The following TAP2 variants were observed in gnomAD, a reference collection of about 807,000 sequenced individuals.
TAP2 encodes antigen peptide transporter 2.
TAP2 carries 49 observed loss-of-function variants against 74.7 expected under a neutral mutation model. The observed-to-expected ratio is 0.66, with a 90% CI of 0.52 to 0.83. The LOEUF (loss-of-function observed/expected upper bound fraction) is 0.83. Ranked by LOEUF, TAP2 falls within the 40% of genes least tolerant of loss-of-function variation. The pLI, the probability that TAP2 is intolerant of heterozygous loss-of-function variation, is 0.00. For synonymous variants in TAP2, 306 were observed against 368.4 expected, an observed-to-expected ratio of 0.83 and a Z score of 1.94; for missense variants, 739 against 859.0, an observed-to-expected ratio of 0.86 and a Z score of 1.75.
rs1768593202 is a variant in TAP2, at chr6:32,825,580, GA to G, written c.*3325del. On this transcript the variant is annotated 3_prime_UTR_variant, in exon 12 of 12. Coordinates refer to ENST00000374897, the MANE Select transcript of TAP2 (RefSeq NM_001290043.2). ...AGATAAACACAAAGCTGGAAGAACG[GA>G]TTGCCTATGCAAGAGGAATTAGCAA... The G allele has an allele frequency of 6.6e-6, 1 of 152,256 alleles. No individual in the cohort carries two copies. The highest frequency in any genetic ancestry group is 1.5e-5 in the Non-Finnish European group (1 of 68,048). The allele number at this position is 152,256 out of a possible 1,614,324, so 9.4% of individuals were successfully genotyped here.
chr6:32,835,151 C>T lies in TAP2; in HGVS notation c.945+3G>A. 2 of 1,612,418 alleles carry T rather than the reference C, an allele frequency of 1.2e-6. No homozygotes were observed. The highest frequency in any genetic ancestry group is 8.5e-7 in the Non-Finnish European group (1 of 1,180,018). On this transcript the variant is annotated splice_donor_region_variant and intron_variant, in intron 5 of 11. Coordinates refer to ENST00000374897, the MANE Select transcript of TAP2 (RefSeq NM_001290043.2). This position sits in a 1 kb window ranked among gnomAD's most constrained non-coding sequence, Gnocchi z 4.0. The stretch of plus-strand genomic sequence containing the variant: ...TTTGGGGTTCCCTTACATGCACGCT[C>T]ACCTGATGGCGGGTGTTGTACACCT...
intron 5 of TAP2, among the ~76,000 whole-genome samples, chr6:32,834,570 A>T (rs1274934368): frequency 2.0e-5 from 3 of 152,056 alleles, no homozygotes; most frequent in Non-Finnish European, 4.4e-5. Flanking sequence ...GATGGTGATG[A>T]TGGTTACCCA....
chr6:32,830,821 T>C lies in TAP2; in HGVS notation c.1273-15A>G, dbSNP rs115303673. 5.2e-4 allele frequency: 831 copies of C among 1,601,792 alleles called. 10 individuals carry two copies. The African/African-American group carries it at 0.01, about 20-fold the overall frequency. On this transcript the variant is annotated splice_polypyrimidine_tract_variant and intron_variant, in intron 7 of 11. Coordinates refer to ENST00000374897, the MANE Select transcript of TAP2 (RefSeq NM_001290043.2). ...TATACCAGGGTCTGGAAAACAGGAA[T>C]GGGAGAGCCGGCTAATTAAACACAC... is the stretch of plus-strand genomic sequence containing the variant.
chr6:32,827,137 C>A lies in TAP2; in HGVS notation c.*1769G>T, dbSNP rs1279095332. 6.1e-6 allele frequency: 6 copies of A among 985,562 alleles called. No individual in the cohort carries two copies. The highest frequency in any genetic ancestry group is 7.2e-6 in the Non-Finnish European group (6 of 829,956). The allele number at this position is 985,562 out of a possible 1,614,324, so 61.1% of individuals were successfully genotyped here. A position where few individuals can be genotyped will look rare whatever the true frequency, so the allele number is the denominator to read the frequency against. On this transcript the variant is annotated 3_prime_UTR_variant, in exon 12 of 12. Transcript: ENST00000374897. ...CCAGGCAAGAAAAAATCCAAAACAG[C>A]AGTTCTGGGGAATTCATTGCCAGCA...
rs1435293714 is a variant in TAP2 at position 32,835,753 on chromosome 6, C to T, written c.629G>A (p.Arg210Gln). ...CATGGTGTAGGTGAAGCAGCCTCCT[C>T]GGCAGCCTGCAGACAGTGAGCTGTG... is the stretch of plus-strand genomic sequence containing the variant. ...SFGSSLSAGC[R>Q]GGCFTYTMSR... The change falls in exon 4 of 12, where the codon CGA (arginine) becomes CAA (glutamine). Residue 210 changes from arginine to glutamine, a missense_variant. By Grantham distance (43) the Arg-to-Gln change is conservative. Transcript: ENST00000374897. This position sits in a 1 kb window ranked among gnomAD's most constrained non-coding sequence, Gnocchi z 4.0. The T allele has an allele frequency of 1.1e-5, 17 of 1,613,048 alleles. No individual in the cohort carries two copies. Among genetic ancestry groups the T allele is most frequent in the Non-Finnish European group, 1.4e-5 (16 of 1,180,002 alleles).
downstream of TAP2, among the ~76,000 whole-genome samples, chr6:32,825,099 AT>A (rs1388303109): frequency 7.2e-6 from 1 of 139,078 alleles, no homozygotes; most frequent in African/African-American, 2.6e-5. Flanking sequence ...GATTGTCAAA[AT>A]TTTAAAAATT....
chr6:32,836,272 A>C (rs1282612246), intron 3 of TAP2, among the ~76,000 whole-genome samples: 1 of 152,224 alleles, frequency 6.6e-6, no homozygotes, highest in Non-Finnish European at 1.5e-5. Flanking sequence ...CTGGAGCCCC[A>C]GAGTCATGTG....
chr6:32,824,046 T>C (rs1461052950), downstream of TAP2, among the ~76,000 whole-genome samples: 1 of 152,164 alleles, frequency 6.6e-6, no homozygotes, highest in Non-Finnish European at 1.5e-5. Context: ...TTAAAGAATA[T>C]ATTTTGATTC....
downstream of TAP2, among the ~76,000 whole-genome samples, chr6:32,823,535 G>T (rs1360886321): frequency 3.1e-5 from 4 of 130,598 alleles, no homozygotes; most frequent in Admixed American, 9.1e-5. Flanking sequence ...CTCTTGTTAT[G>T]TCTTTGCCCA....
intron 5 of TAP2, among the ~76,000 whole-genome samples, chr6:32,833,201 T>A (rs529134442): frequency 1.1e-3 from 165 of 152,108 alleles, no homozygotes; most frequent in Middle Eastern, 3.4e-3. Context: ...ACTATAAAAC[T>A]CCTAGGAAAA....
Position 32,837,849 on chromosome 6 carries a change from G to T in TAP2, c.385C>A (p.Gln129Lys), listed in dbSNP as rs746214639. ...LSPPGAQEKEQDQVNNKVLMW... is the reference protein window; with the variant it reads ...LSPPGAQEKEKDQVNNKVLMW... ...AAGACTTTGTTGTTCACCTGGTCCT[G>T]CTCCTTCTCCTGGGCTCCAGGAGGG... The change falls in exon 2 of 12, where the codon CAG becomes AAG. Residue 129 changes from glutamine (Q) to lysine (K), a missense_variant. By Grantham distance (53) the Gln-to-Lys change is moderately conservative (BLOSUM62 1). Transcript: ENST00000374897. 9.3e-6 allele frequency: 15 copies of T among 1,613,476 alleles called. No homozygotes were observed. The highest frequency in any genetic ancestry group is 1.3e-5 in the Non-Finnish European group (15 of 1,180,028).
At chr6:32,834,110 C>T (rs1769261286) in intron 5 of TAP2, among the ~76,000 whole-genome samples, 1 of 152,170 alleles carries the variant, frequency 6.6e-6, no homozygotes, top group South Asian at 2.1e-4. Flanking sequence ...AATAGAATTG[C>T]CATATGATCC....
downstream of TAP2, chr6:32,822,226 G>T: frequency 7.7e-7 from 1 of 1,302,490 alleles, no homozygotes; most frequent in Non-Finnish European, 1.1e-6. Context: ...AAATGTTGGT[G>T]ATGCTTTGTT....
In TAP2 at chr6:32,832,805, T is replaced by G; in HGVS notation, c.965A>C (p.Gln322Pro). 6.2e-7 allele frequency: 1 copy of G among 1,612,702 alleles called. No homozygotes were observed. Among genetic ancestry groups the G allele is most frequent in the Non-Finnish European group, 8.5e-7 (1 of 1,180,014 alleles). The part of the protein sequence containing the change: ...TRHQEVLREI[Q>P]DAVARAGQVV... ...CTGCCCCGCCCTGGCCACTGCATCCTGGATCTCCCGAAGCACTTCCTGGAA... is the reference window on the plus strand; with the variant it reads ...CTGCCCCGCCCTGGCCACTGCATCCGGGATCTCCCGAAGCACTTCCTGGAA... The change falls in exon 6 of 12, where the codon CAG becomes CCG. Residue 322 changes from glutamine to proline, a missense_variant. Physicochemically the swap from Gln to Pro is moderately conservative, Grantham distance 76. Transcript: ENST00000374897. This position sits in a 1 kb window ranked among gnomAD's most constrained non-coding sequence, Gnocchi z 5.9.
Position 32,826,671 on chromosome 6 carries a change from C to A in TAP2, c.*2235G>T. 1.0e-6 allele frequency: 1 copy of A among 985,398 alleles called. No individual in the cohort carries two copies. Among genetic ancestry groups the A allele is most frequent in the Non-Finnish European group, 1.2e-6 (1 of 829,922 alleles). 61.0% of individuals were successfully genotyped at this position (985,398 alleles called of 1,614,324 possible). A position where few individuals can be genotyped will look rare whatever the true frequency, so the allele number is the denominator to read the frequency against. On this transcript the variant is annotated 3_prime_UTR_variant, in exon 12 of 12. Transcript: ENST00000374897. ...AGGTCTACTGCATCTTCCTGTACTGCCCATCAAGATAAGTTTTCCACCCAG... is the reference window on the plus strand; with the variant it reads ...AGGTCTACTGCATCTTCCTGTACTGACCATCAAGATAAGTTTTCCACCCAG...
chr6:32,828,965 G>A lies in TAP2; in HGVS notation c.2002C>T (p.Arg668Cys), dbSNP rs766590185. 11 of 1,548,604 alleles carry A rather than the reference G, an allele frequency of 7.1e-6. No homozygotes were observed. The highest frequency in any genetic ancestry group is 1.7e-4 in the Middle Eastern group (1 of 5,990). ...VIAHRLQTVQRAHQILVLQEG... is the reference protein window; with the variant it reads ...VIAHRLQTVQCAHQILVLQEG... Reference sequence around the variant, plus strand: ...TGGAGCACCAGGATCTGGTGGGCGCGCTGAACTGTCTGCAGCCTGTGAGCA... The same window carrying A: ...TGGAGCACCAGGATCTGGTGGGCGCACTGAACTGTCTGCAGCCTGTGAGCA... The change falls in exon 12 of 12, where the codon CGC becomes TGC. Residue 668 changes from arginine to cysteine, a missense_variant. Physicochemically the swap from Arg to Cys is radical, Grantham distance 180. Transcript: ENST00000374897.
chr6:32,825,179 G>A (rs1333101853), downstream of TAP2, among the ~76,000 whole-genome samples: 2 of 143,398 alleles, frequency 1.4e-5, no homozygotes, highest in Non-Finnish European at 1.5e-5. Context: ...TGTTGCTGCT[G>A]GAACTATAAA....
At position 32,837,642 on chromosome 6, in the gene TAP2, A is replaced by G; in HGVS notation, c.503T>C (p.Leu168Ser). The change falls in exon 3 of 12, where the codon TTA (leucine) becomes TCA (serine). Residue 168 changes from leucine to serine, a missense_variant. Transcript: ENST00000374897. ...FLVLAVLGETLIPHYSGRVID... is the reference protein window; with the variant it reads ...FLVLAVLGETSIPHYSGRVID... ...CACACGACCAGAATAGTGAGGGATT[A>G]ATGTCTCACCTGAAAGAGGCATGAA... 1 of 1,614,122 alleles carries G rather than the reference A, an allele frequency of 6.2e-7. No individual in the cohort carries two copies. Among genetic ancestry groups the G allele is most frequent in the Non-Finnish European group, 8.5e-7 (1 of 1,179,976 alleles).
At position 32,827,822 on chromosome 6, in the gene TAP2, T is replaced by A; in HGVS notation, c.*1084A>T. 2 of 868,994 alleles carry A rather than the reference T, an allele frequency of 2.3e-6. No individual in the cohort carries two copies. Among genetic ancestry groups the A allele is most frequent in the Non-Finnish European group, 2.7e-6 (2 of 753,882 alleles). 53.8% of individuals were successfully genotyped at this position (868,994 alleles called of 1,614,324 possible). ...GCCATCATCGTATGTGACACAGAAT[T>A]TAGAAAAATGACTTTGTGAAGAATG... On this transcript the variant is annotated 3_prime_UTR_variant, in exon 12 of 12. Coordinates refer to ENST00000374897, the MANE Select transcript of TAP2 (RefSeq NM_001290043.2).
Sources: gnomAD v4.1 joint callset for allele counts (sites outside exome capture counted in the v4.1 genomes callset) on GRCh38, gnomAD v4.1.1 for gene constraint, Gnocchi (gnomAD v3.1) non-coding constraint, MANE v1.5 for transcripts, NCBI Gene and HGNC (gene_info 2026-07-23, HGNC 2026-07-21) for gene names.